CTNNA3: variants seen among roughly 807,000 people sequenced by gnomAD.
The protein encoded by CTNNA3 is catenin alpha-3.
In CTNNA3, 76 loss-of-function variants were observed where a neutral mutation model predicts 95.7. The ratio of observed to expected loss-of-function variants is 0.79; its 90% CI spans 0.66 to 0.96. The LOEUF (loss-of-function observed/expected upper bound fraction) is 0.96. Ranked by LOEUF, CTNNA3 falls within the 40% of genes least tolerant of loss-of-function variation. The pLI, the probability that CTNNA3 is intolerant of heterozygous loss-of-function variation, is 0.00. For missense variants in CTNNA3, 1,191 were observed against 1,089.8 expected (o/e 1.09, Z -1.31); for synonymous variants, 431 against 374.4 (o/e 1.15, Z -1.74).
chr10:67,097,339 G>A (rs1858061750), intron 7 of CTNNA3, among the ~76,000 whole-genome samples: 1 of 151,810 alleles, frequency 6.6e-6, no homozygotes, highest in Non-Finnish European at 1.5e-5. Flanking sequence ...TCAGAACCAT[G>A]TAGGCTACTA....
At chr10:65,955,981 G>A (rs2077721205) in intron 17 of CTNNA3, among the ~76,000 whole-genome samples, 1 of 152,088 alleles carries the variant, frequency 6.6e-6, no homozygotes, top group South Asian at 2.1e-4. Flanking sequence ...TCCTCTTTGT[G>A]CCTCTGGGAG....
At chr10:67,598,443 C>T (rs1013520774) in intron 3 of CTNNA3, among the ~76,000 whole-genome samples, 3 of 152,102 alleles carry the variant, frequency 2.0e-5, no homozygotes, top group Middle Eastern at 3.2e-3. Context: ...TTCCTCCCCC[C>T]TTCAGCCCAG....
intron 12 of CTNNA3, among the ~76,000 whole-genome samples, chr10:66,325,587 A>G (rs2092244484): frequency 6.6e-6 from 1 of 152,052 alleles, no homozygotes; most frequent in African/African-American, 2.4e-5. Flanking sequence ...AAGACAATGA[A>G]GGGTTGTTCT....
chr10:66,411,152 A>AT (rs980488854), intron 11 of CTNNA3, among the ~76,000 whole-genome samples: 2 of 152,174 alleles, frequency 1.3e-5, no homozygotes, highest in Non-Finnish European at 2.9e-5. Context: ...GCCTAAAATT[A>AT]TTTTTCTGGC....
chr10:66,982,105 T>C (rs1374278846), intron 7 of CTNNA3, among the ~76,000 whole-genome samples: 1 of 152,158 alleles, frequency 6.6e-6, no homozygotes, highest in African/African-American at 2.4e-5. Flanking sequence ...GGATAAGCCA[T>C]CCAATATGCT....
chr10:67,012,439 T>C (rs975130517), intron 7 of CTNNA3: 6 of 152,208 alleles, frequency 3.9e-5, no homozygotes, highest in African/African-American at 1.4e-4. Flanking sequence ...TAAATTGTTA[T>C]AGCTCACAAT....
chr10:66,408,083 C>G (rs1376438857), intron 11 of CTNNA3, among the ~76,000 whole-genome samples: 2 of 152,146 alleles, frequency 1.3e-5, no homozygotes, highest in Non-Finnish European at 2.9e-5. Flanking sequence ...TTGAAGTCAT[C>G]TCTAAATTAC....
chr10:66,151,033 A>G (rs1276547951), intron 13 of CTNNA3, among the ~76,000 whole-genome samples: 2 of 152,036 alleles, frequency 1.3e-5, no homozygotes, highest in Non-Finnish European at 2.9e-5. Flanking sequence ...TGTATTTAAT[A>G]AACTTTTAAA....
At chr10:66,117,224 T>C (rs932758614) in intron 13 of CTNNA3, among the ~76,000 whole-genome samples, 5 of 152,174 alleles carry the variant, frequency 3.3e-5, no homozygotes, top group East Asian at 3.9e-4. Context: ...CAATAAAACA[T>C]ATTAAATTGT....
Position 66,829,046 on chromosome 10 carries a change from C to T in CTNNA3, c.1048-53522G>A, listed in dbSNP as rs1489506864. Among the ~76,000 whole-genome samples, 6 of 152,336 alleles carry T rather than the reference C, an allele frequency of 3.9e-5. No homozygotes were observed. The East Asian group carries it at 1.2e-3, about 29-fold the overall frequency. On this transcript the variant is annotated intron_variant, in intron 7 of 17. Coordinates refer to ENST00000433211, the MANE Select transcript of CTNNA3 (RefSeq NM_013266.4). Reference sequence around the variant, plus strand: ...TGCATCCAAAGTATTTATCTGTGTTCCCTCAGTAATTCCACAAAGGTGTGT... The same window carrying T: ...TGCATCCAAAGTATTTATCTGTGTTTCCTCAGTAATTCCACAAAGGTGTGT...
chr10:67,461,375 CT>C (rs1244238853), intron 5 of CTNNA3, among the ~76,000 whole-genome samples: 1 of 152,114 alleles, frequency 6.6e-6, no homozygotes, highest in Non-Finnish European at 1.5e-5. Context: ...TCTTATGCCC[CT>C]ATCAGCAATG....
intron 7 of CTNNA3, among the ~76,000 whole-genome samples, chr10:67,048,130 G>A (rs1854863669): frequency 6.6e-6 from 1 of 151,890 alleles, no homozygotes. Context: ...TCCCTTCACG[G>A]TCTTCCTCCC....
chr10:67,535,108 T>A (rs531240479), intron 4 of CTNNA3, among the ~76,000 whole-genome samples: 1 of 152,288 alleles, frequency 6.6e-6, no homozygotes, highest in South Asian at 2.1e-4. Context: ...ATTACTAGAC[T>A]GATAAATCCA....
At chr10:67,121,457 T>C (rs1343872917) in intron 7 of CTNNA3, among the ~76,000 whole-genome samples, 1 of 152,006 alleles carries the variant, frequency 6.6e-6, no homozygotes, top group Non-Finnish European at 1.5e-5. Context: ...TCCAAAGAGA[T>C]GGTTAGCCTC....
chr10:67,516,392 T>C (rs1839813998), intron 5 of CTNNA3, among the ~76,000 whole-genome samples: 1 of 152,196 alleles, frequency 6.6e-6, no homozygotes, highest in South Asian at 2.1e-4. Context: ...CTTCTCTATA[T>C]GCTATAGTAC....
At chr10:66,443,607 G>T (rs964532008) in intron 11 of CTNNA3, among the ~76,000 whole-genome samples, 2 of 152,160 alleles carry the variant, frequency 1.3e-5, no homozygotes, top group Non-Finnish European at 2.9e-5. Context: ...ACCTGCATCT[G>T]AGGGTCCTGT....
At chr10:67,419,071 A>G (rs948716315) in intron 5 of CTNNA3, among the ~76,000 whole-genome samples, 1 of 152,140 alleles carries the variant, frequency 6.6e-6, no homozygotes, top group Non-Finnish European at 1.5e-5. Flanking sequence ...TTTGTTTCCA[A>G]TAGTAATTGT....
At chr10:67,131,642 G>C (rs1196437528) in intron 7 of CTNNA3, among the ~76,000 whole-genome samples, 1 of 152,032 alleles carries the variant, frequency 6.6e-6, no homozygotes, top group Middle Eastern at 3.4e-3. Context: ...CATTTTTTGT[G>C]TGTTATCAGC....
intron 7 of CTNNA3, among the ~76,000 whole-genome samples, chr10:67,108,275 T>A (rs1451382768): frequency 6.6e-6 from 1 of 152,180 alleles, no homozygotes; most frequent in East Asian, 1.9e-4. Flanking sequence ...ACATGATACA[T>A]AAGAAGCTAC....
Sources: allele counts gnomAD v4.1 joint callset (sites outside exome capture counted in the v4.1 genomes callset), GRCh38; gene constraint gnomAD v4.1.1; transcripts MANE v1.5; gene names NCBI Gene and HGNC (gene_info 2026-07-23, HGNC 2026-07-21).